Variants in MAPK9 observed in about 807,000 individuals in gnomAD.
MAPK9 encodes mitogen-activated protein kinase 9, also known as Jun kinase.
MAPK9 carries 30 observed loss-of-function variants against 57.1 expected under a neutral mutation model. The ratio of observed to expected loss-of-function variants is 0.53; its 90% CI spans 0.39 to 0.71. MAPK9 has a LOEUF of 0.71. Among genes scored for constraint, MAPK9 ranks in the 30% least tolerant of loss-of-function variants. The pLI is 0.00. For synonymous variants in MAPK9, 155 were observed against 177.0 expected (o/e 0.88, Z 0.99); for missense variants, 362 against 521.0 (o/e 0.69, Z 2.97).
At chr5:180,264,874 C>A in intron 3 of MAPK9, 35 bp from the exon 4 acceptor site, 2 of 1,463,388 alleles carry the variant, frequency 1.4e-6, no homozygotes, top group South Asian at 1.3e-5. Context: ...TTCAATATGT[C>A]AGATTACTTG....
At chr5:180,244,259 G>A (rs959167626) in intron 7 of MAPK9, among the ~76,000 whole-genome samples, 9 of 151,992 alleles carry the variant, frequency 5.9e-5, no homozygotes, top group East Asian at 3.9e-4. Context: ...CTGGGCTCCC[G>A]GCTACACTAA....
At chr5:180,280,653 A>G (rs1762244431) in intron 1 of MAPK9, 45 bp from the exon 2 acceptor site, 4 of 1,483,798 alleles carry the variant, frequency 2.7e-6, no homozygotes, top group Non-Finnish European at 3.7e-6. Flanking sequence ...CCGGAAGTAC[A>G]TACGCAGCTC....
At chr5:180,277,935 A>G (rs1244510257) in intron 2 of MAPK9, among the ~76,000 whole-genome samples, 1 of 152,254 alleles carries the variant, frequency 6.6e-6, no homozygotes, top group African/African-American at 2.4e-5. Flanking sequence ...TACTTTCCCT[A>G]TTAGAACATA....
rs34346352 is a variant in MAPK9, at chr5:180,250,821, G to A, written c.451-1683C>T. On this transcript the variant is annotated intron_variant, in intron 5 of 11. Transcript: ENST00000452135. The stretch of plus-strand genomic sequence containing the variant: ...CTTAGAGTACTGTGCAGACACCCCC[G>A]GTTCCCAGAAAGGCCTGAGAGGAAG... 3.1e-3 allele frequency among the ~76,000 whole-genome samples: 467 copies of A among 152,214 alleles called. 1 individual carries two copies. Among genetic ancestry groups the A allele is most frequent in the Middle Eastern group, 0.024 (7 of 294 alleles).
At chr5:180,242,818 A>C (rs1757771950) in intron 7 of MAPK9, 63 bp from the exon 8 acceptor site, 1 of 1,300,722 alleles carries the variant, frequency 7.7e-7, no homozygotes, top group Admixed American at 2.1e-5. Context: ...ATGCGGCAGC[A>C]TCACTTGAAT....
chr5:180,245,040 C>A lies in MAPK9; in HGVS notation c.689-2285G>T, dbSNP rs1581177750. Among the ~76,000 whole-genome samples, 3 of 152,178 alleles carry A rather than the reference C, an allele frequency of 2.0e-5. No homozygotes were observed. The South Asian group carries it at 6.2e-4, about 31-fold the overall frequency. On this transcript the variant is annotated intron_variant, in intron 7 of 11. Coordinates refer to ENST00000452135, the MANE Select transcript of MAPK9 (RefSeq NM_002752.5). ...CGTGAGTGCCTTCTCCATTTCCTTC[C>A]CTATTCCCTTTGTCCCTCCACCTCA...
intron 2 of MAPK9, among the ~76,000 whole-genome samples, chr5:180,274,833 G>T (rs1407558029): frequency 6.6e-6 from 1 of 151,986 alleles, no homozygotes; most frequent in East Asian, 1.9e-4. Flanking sequence ...TCTCTGTTTT[G>T]GGCTCTTCTA....
At chr5:180,256,034 G>A (rs1759239996) in intron 5 of MAPK9, among the ~76,000 whole-genome samples, 1 of 152,204 alleles carries the variant, frequency 6.6e-6, no homozygotes, top group African/African-American at 2.4e-5. Context: ...AAGGATGTAA[G>A]TTCAAAAGGA....
At chr5:180,286,786 T>C (rs1762810765) in intron 1 of MAPK9, among the ~76,000 whole-genome samples, 1 of 152,232 alleles carries the variant, frequency 6.6e-6, no homozygotes, top group South Asian at 2.1e-4. Flanking sequence ...TCCGAACCAC[T>C]GCACACATGC....
chr5:180,244,900 C>A (rs1030508940), intron 7 of MAPK9, among the ~76,000 whole-genome samples: 2 of 152,200 alleles, frequency 1.3e-5, no homozygotes, highest in African/African-American at 2.4e-5. Flanking sequence ...TCCATAAATG[C>A]TGTGCCCATC....
intron 1 of MAPK9, among the ~76,000 whole-genome samples, chr5:180,290,217 C>T (rs766053430): frequency 1.3e-5 from 2 of 152,220 alleles, no homozygotes; most frequent in Non-Finnish European, 1.5e-5. Context: ...AGGGTCCCCA[C>T]GACTCTGTGT....
intron 2 of MAPK9, among the ~76,000 whole-genome samples, chr5:180,277,304 G>C (rs371497585): frequency 6.6e-6 from 1 of 152,202 alleles, no homozygotes; most frequent in Non-Finnish European, 1.5e-5. Flanking sequence ...GCAGGGCTGC[G>C]TGGCTCCTTC....
chr5:180,283,063 G>A (rs1049223845), intron 1 of MAPK9, among the ~76,000 whole-genome samples: 2 of 152,130 alleles, frequency 1.3e-5, no homozygotes, highest in African/African-American at 4.8e-5. Context: ...GAGGGCTGTG[G>A]AAGCCGTCAA....
chr5:180,263,029 T>G (rs1760149533), intron 4 of MAPK9: 1 of 152,320 alleles, frequency 6.6e-6, no homozygotes, highest in African/African-American at 2.4e-5. Context: ...TCTCCTGAAC[T>G]CCAGGCTCAT....
chr5:180,242,918 C>T, intron 7 of MAPK9, 163 bp from the exon 8 acceptor site: 1 of 528,782 alleles, frequency 1.9e-6, no homozygotes, highest in Non-Finnish European at 3.3e-6. Context: ...TTCCAAGTTA[C>T]ACTATTTTTT....
chr5:180,257,203 T>C (rs781201885), intron 5 of MAPK9, among the ~76,000 whole-genome samples: 2 of 152,194 alleles, frequency 1.3e-5, no homozygotes, highest in Non-Finnish European at 1.5e-5. Context: ...ACCTGAGGCT[T>C]GAGACGAGAC....
chr5:180,236,747 CTTCT>C, intron 11 of MAPK9: 1 of 416,400 alleles, frequency 2.4e-6, no homozygotes, highest in Non-Finnish European at 4.2e-6. Context: ...TTGCAAGATT[CTTCT>C]TTTTTTCTCA....
intron 1 of MAPK9, among the ~76,000 whole-genome samples, chr5:180,284,444 G>A (rs1388006666): frequency 6.6e-6 from 1 of 152,212 alleles, no homozygotes; most frequent in Middle Eastern, 3.2e-3. Flanking sequence ...GGGAGGGAAC[G>A]CTACAAGGAG....
At chr5:180,270,711 T>TGTG (rs1265828658) in intron 2 of MAPK9, among the ~76,000 whole-genome samples, 1 of 150,610 alleles carries the variant, frequency 6.6e-6, no homozygotes, top group Non-Finnish European at 1.5e-5. Context: ...ATTAGCTGAG[T>TGTG]GTGGTGGTGC....
Sources: gnomAD v4.1 joint callset for allele counts (sites outside exome capture counted in the v4.1 genomes callset) on GRCh38, gnomAD v4.1.1 for gene constraint, MANE v1.5 for transcripts, NCBI Gene and HGNC (gene_info 2026-07-23, HGNC 2026-07-21) for gene names.